Variants in UBAP2L observed in about 807,000 individuals in gnomAD.
UBAP2L encodes ubiquitin-associated protein 2-like.
UBAP2L carries 12 observed loss-of-function variants against 130.6 expected under a neutral mutation model. That is an observed-to-expected ratio of 0.09 (90% CI 0.06 to 0.15). UBAP2L has a LOEUF of 0.15. UBAP2L is among the 10% of genes least tolerant of loss of function. The probability of loss-of-function intolerance (pLI) is 1.00; values close to 1 mark genes in which losing one functional copy is unlikely to be tolerated. For missense variants in UBAP2L, 965 were observed against 1,332.5 expected (o/e 0.72, Z 4.29); for synonymous variants, 503 against 524.7 (o/e 0.96, Z 0.57).
Position 154,261,656 on chromosome 1 carries a change from T to C in UBAP2L, c.2861T>C (p.Phe954Ser). The C allele has an allele frequency of 6.2e-7, 1 of 1,614,106 alleles. No individual in the cohort carries two copies. Among genetic ancestry groups the C allele is most frequent in the Non-Finnish European group, 8.5e-7 (1 of 1,180,004 alleles). The change falls in exon 24 of 27, where the codon TTC becomes TCC. Residue 954 changes from phenylalanine (F) to serine (S), a missense_variant. Physicochemically the swap from Phe to Ser is radical, Grantham distance 155. Around this residue, in one of 9 missense-constraint regions of UBAP2L, gnomAD observed 194 missense variants for 334.0 expected, o/e 0.58. Transcript: ENST00000428931. ...AGTGTGAATGCATCGGCCACCCCTT[T>C]CCAACAGCCGAGTGGATATGGGTCT... ...NVSVNASATP[F>S]QQPSGYGSHG...
intron 11 of UBAP2L, among the ~76,000 whole-genome samples, chr1:154,248,444 T>G (rs978028747): frequency 3.3e-5 from 5 of 152,192 alleles, no homozygotes; most frequent in African/African-American, 1.2e-4. Context: ...TCTTTTGAGT[T>G]TTTTTAATGA....
intron 10 of UBAP2L, among the ~76,000 whole-genome samples, chr1:154,245,458 A>G (rs1558168936): frequency 6.6e-6 from 1 of 152,204 alleles, no homozygotes; most frequent in African/African-American, 2.4e-5. Flanking sequence ...GTGGGAAAAA[A>G]TATCTCTCAG....
In UBAP2L at chr1:154,234,585, C is replaced by T. The variant is rs1047962240; in HGVS notation, c.280-6C>T. 6 of 1,613,604 alleles carry T rather than the reference C, an allele frequency of 3.7e-6. No homozygotes were observed. In the African/African-American group the frequency reaches 8.0e-5, roughly 22 times the overall value. Reference sequence around the variant, plus strand: ...GATTAGATATGAATGCTCTACCCTTCTATAGCATTCCTGGGAGATGGTCGG... The same window carrying T: ...GATTAGATATGAATGCTCTACCCTTTTATAGCATTCCTGGGAGATGGTCGG... On this transcript the variant is annotated splice_region_variant and splice_polypyrimidine_tract_variant and intron_variant, in intron 4 of 26. Coordinates refer to ENST00000428931, the MANE Select transcript of UBAP2L (RefSeq NM_014847.4).
intron 20 of UBAP2L, 27 bp downstream of exon 20, chr1:154,257,461 A>G: frequency 6.2e-7 from 1 of 1,610,808 alleles, no homozygotes; most frequent in South Asian, 1.1e-5. Context: ...GATCTTCTTC[A>G]AAAGGTGAGG....
At chr1:154,259,571 C>T (rs1680839284) in intron 21 of UBAP2L, among the ~76,000 whole-genome samples, 1 of 151,714 alleles carries the variant, frequency 6.6e-6, no homozygotes, top group Non-Finnish European at 1.5e-5. Flanking sequence ...CAGTAAAGTA[C>T]TCTGGAGCAC....
At chr1:154,241,614 T>G in intron 9 of UBAP2L, 49 bp downstream of exon 9, 5 of 1,603,772 alleles carry the variant, frequency 3.1e-6, no homozygotes, top group Non-Finnish European at 4.3e-6. Flanking sequence ...TCCCTAAGTG[T>G]TGTTTAGGGA....
chr1:154,234,364 A>AAAAT (rs1421187476), intron 4 of UBAP2L, among the ~76,000 whole-genome samples: 128 of 152,122 alleles, frequency 8.4e-4, no homozygotes, highest in Admixed American at 6.2e-3. Flanking sequence ...CTCTGTCTCA[A>AAAAT]AAATAAATAA....
At chr1:154,257,811 G>C (rs1680138880) in intron 20 of UBAP2L, 2 of 265,438 alleles carry the variant, frequency 7.5e-6, no homozygotes, top group Non-Finnish European at 1.5e-5. Flanking sequence ...TTTGGTTTAT[G>C]GTGCACACAT....
intron 25 of UBAP2L, 122 bp from the exon 26 acceptor site, chr1:154,268,635 T>C: frequency 1.0e-5 from 9 of 899,656 alleles, no homozygotes; most frequent in Non-Finnish European, 1.6e-5. Flanking sequence ...TGACTTCAAG[T>C]GTACTGTGCC....
intron 1 of UBAP2L, among the ~76,000 whole-genome samples, chr1:154,221,660 A>C (rs932073379): frequency 6.6e-6 from 1 of 152,150 alleles, no homozygotes; most frequent in African/African-American, 2.4e-5. Context: ...TGAGCCTCCC[A>C]TCCTCCACCC....
intron 4 of UBAP2L, among the ~76,000 whole-genome samples, chr1:154,230,287 G>T (rs933240747): frequency 6.6e-6 from 1 of 152,202 alleles, no homozygotes; most frequent in East Asian, 1.9e-4. Flanking sequence ...GATTACAGGC[G>T]TGAGCCATGA....
intron 1 of UBAP2L, 145 bp from the exon 2 acceptor site, chr1:154,224,939 A>C (rs1267433696): frequency 1.8e-6 from 1 of 562,680 alleles, no homozygotes; most frequent in Non-Finnish European, 3.1e-6. Context: ...GAATTTATCA[A>C]GCTAATTATG....
At chr1:154,266,709 C>T (rs918971542) in intron 25 of UBAP2L, 141 bp downstream of exon 25, 2 of 807,292 alleles carry the variant, frequency 2.5e-6, no homozygotes, top group Admixed American at 4.8e-5. Context: ...AATGAAAGGT[C>T]TTCTCTAGAC....
intron 4 of UBAP2L, among the ~76,000 whole-genome samples, chr1:154,231,207 C>G (rs1045394541): frequency 6.6e-6 from 1 of 151,150 alleles, no homozygotes; most frequent in Non-Finnish European, 1.5e-5. Context: ...TCACTGCAGC[C>G]ATGGACACCT....
intron 1 of UBAP2L, among the ~76,000 whole-genome samples, chr1:154,224,220 A>G (rs1429466648): frequency 6.6e-6 from 1 of 152,218 alleles, no homozygotes; most frequent in Non-Finnish European, 1.5e-5. Flanking sequence ...TCTCAAGTTT[A>G]AAATGATTTC....
intron 23 of UBAP2L, 145 bp from the exon 24 acceptor site, chr1:154,261,447 A>G (rs1321512846): frequency 1.1e-5 from 9 of 791,514 alleles, no homozygotes; most frequent in Non-Finnish European, 1.9e-5. Context: ...AACAGTTAGT[A>G]AGGAGCTAAT....
chr1:154,264,262 T>C (rs1682538793), intron 24 of UBAP2L, among the ~76,000 whole-genome samples: 1 of 152,178 alleles, frequency 6.6e-6, no homozygotes, highest in Non-Finnish European at 1.5e-5. Context: ...GGAGTAATTT[T>C]GCTCTGTGGA....
intron 24 of UBAP2L, chr1:154,263,588 T>A: frequency 1.2e-6 from 1 of 869,326 alleles, no homozygotes; most frequent in Non-Finnish European, 1.4e-6. Flanking sequence ...GTGGCCTTTT[T>A]AATCAAACCC....
intron 24 of UBAP2L, among the ~76,000 whole-genome samples, chr1:154,264,641 G>A (rs1022379040): frequency 6.6e-6 from 1 of 152,198 alleles, no homozygotes; most frequent in Non-Finnish European, 1.5e-5. Context: ...GCACACTGGA[G>A]CTGAATTCCT....
Sources: gnomAD v4.1 joint callset for allele counts (sites outside exome capture counted in the v4.1 genomes callset) on GRCh38, gnomAD v4.1.1 for gene constraint, gnomAD v4.1.1 regional missense constraint, MANE v1.5 for transcripts, NCBI Gene and HGNC (gene_info 2026-07-23, HGNC 2026-07-21) for gene names.